Variants in ZNF45 observed in about 807,000 individuals in gnomAD.
ZNF45 encodes zinc finger protein 45, also known as BRC1744.
In ZNF45, 4 loss-of-function variants were observed where a neutral mutation model predicts 12.0. The observed-to-expected ratio is 0.33, with a 90% CI of 0.16 to 0.76. ZNF45 has a LOEUF of 0.76. Among genes scored for constraint, ZNF45 ranks in the 30% least tolerant of loss-of-function variants. ZNF45 has a pLI of 0.60. For synonymous variants in ZNF45, 272 were observed against 279.6 expected (o/e 0.97, Z 0.27); for missense variants, 700 against 813.0 (o/e 0.86, Z 1.69).
At position 43,914,297 on chromosome 19, in the gene ZNF45, A is replaced by T; in HGVS notation, c.1139T>A (p.Ile380Lys). The change falls in exon 10 of 10, where the codon ATA (isoleucine) becomes AAA (lysine). Residue 380 changes from isoleucine to lysine, a missense_variant. Coordinates refer to ENST00000269973, the MANE Select transcript of ZNF45 (RefSeq NM_003425.4). Reference sequence around the variant, plus strand: ...GTATGGCTTCTCTCCAGTGTGGCTTATCTGATGGGCCTGAAGGTGTGAACC... The same window carrying T: ...GTATGGCTTCTCTCCAGTGTGGCTTTTCTGATGGGCCTGAAGGTGTGAACC... ...SVGSHLQAHQ[I>K]SHTGEKPYKC... 1 of 1,610,476 alleles carries T rather than the reference A, an allele frequency of 6.2e-7. No individual in the cohort carries two copies. The highest frequency in any genetic ancestry group is 8.5e-7 in the Non-Finnish European group (1 of 1,178,480).
chr19:43,913,474 A>T lies in ZNF45; in HGVS notation c.1962T>A (p.Ser654Arg). The T allele has an allele frequency of 1.2e-6, 2 of 1,612,644 alleles. No individual in the cohort carries two copies. The change falls in exon 10 of 10, where the codon AGT becomes AGA. Residue 654 changes from serine to arginine, a missense_variant. Transcript: ENST00000269973. ...ECGKGFSWSS[S>R]LIIHQRVHAD... ...CATGGACTCGCTGATGAATGATAAG[A>T]CTTGAGCTCCAACTGAAGCCCTTCC...
Position 43,914,836 on chromosome 19 carries a change from G to C in ZNF45, c.600C>G (p.Ala200=), listed in dbSNP as rs541398617. The change falls in exon 10 of 10, where the codon GCC becomes GCG. Residue 200 remains alanine (A), a synonymous_variant. Transcript: ENST00000269973. The part of the protein sequence containing the change: ...KPYKCEKCDN[A]FRRFSSLQAH... ...CTTGAAGACTTGAAAACCGACGGAA[G>C]GCATTATCACATTTTTCACATTTGT... 3.1e-6 allele frequency: 5 copies of C among 1,612,214 alleles called. No homozygotes were observed. In the Admixed American group the frequency reaches 5.0e-5, roughly 16 times the overall value.
intron 9 of ZNF45, among the ~76,000 whole-genome samples, chr19:43,917,235 A>C (rs1972758103): frequency 6.6e-6 from 1 of 152,196 alleles, no homozygotes; most frequent in Non-Finnish European, 1.5e-5. Context: ...ACACACACAC[A>C]CCTACCCATA....
chr19:43,927,231 T>C (rs751119675), intron 3 of ZNF45, among the ~76,000 whole-genome samples: 1 of 152,216 alleles, frequency 6.6e-6, no homozygotes, highest in Non-Finnish European at 1.5e-5. Flanking sequence ...TACTTACTTA[T>C]ATTCATTACA....
At chr19:43,915,292 G>T (rs1972547577) in intron 9 of ZNF45, 92 bp from the exon 10 acceptor site, 1 of 1,302,222 alleles carries the variant, frequency 7.7e-7, no homozygotes, top group East Asian at 2.5e-5. Flanking sequence ...ATAGCCTAAG[G>T]CTTCATTGAA....
intron 3 of ZNF45, among the ~76,000 whole-genome samples, chr19:43,927,771 A>G (rs1973806961): frequency 1.3e-5 from 2 of 152,300 alleles, no homozygotes; most frequent in Admixed American, 6.5e-5. Context: ...TTAAAAAGCC[A>G]TAGGTCTGGT....
intron 6 of ZNF45, 138 bp from the exon 7 acceptor site, chr19:43,922,355 G>T: frequency 1.7e-6 from 1 of 585,646 alleles, no homozygotes; most frequent in Non-Finnish European, 3.0e-6. Flanking sequence ...TCCTCGGGCT[G>T]GCTTGATGAA....
Position 43,919,713 on chromosome 19 carries a change from C to A in ZNF45, c.16-14G>T. On this transcript the variant is annotated splice_polypyrimidine_tract_variant and intron_variant, in intron 7 of 9. Coordinates refer to ENST00000269973, the MANE Select transcript of ZNF45 (RefSeq NM_003425.4). Reference sequence around the variant, plus strand: ...TGTCACTGCCTCCTACAACATCAAACACACTCCACCTAAATCTTGCAATAA... The same window carrying A: ...TGTCACTGCCTCCTACAACATCAAAAACACTCCACCTAAATCTTGCAATAA... 2 of 1,609,226 alleles carry A rather than the reference C, an allele frequency of 1.2e-6. No homozygotes were observed. The highest frequency in any genetic ancestry group is 2.7e-5 in the African/African-American group (2 of 74,872).
At chr19:43,925,561 A>G (rs528141167) in intron 3 of ZNF45, 103 bp from the exon 4 acceptor site, 10 of 152,324 alleles carry the variant, frequency 6.6e-5, no homozygotes, top group African/African-American at 2.2e-4. Context: ...CTTACTTCAG[A>G]TAGAAGAACC....
chr19:43,928,820 T>C (rs761483156), intron 3 of ZNF45, among the ~76,000 whole-genome samples: 6 of 152,244 alleles, frequency 3.9e-5, no homozygotes, highest in Non-Finnish European at 8.8e-5. Context: ...ATCAACTCTA[T>C]GCTCCTAACA....
chr19:43,924,128 A>G (rs1973474054), intron 6 of ZNF45, 110 bp downstream of exon 6: 2 of 152,210 alleles, frequency 1.3e-5, no homozygotes, highest in Admixed American at 6.5e-5. Flanking sequence ...TTAACAAGCT[A>G]TAGGAAGCAC....
chr19:43,924,677 G>A (rs1258778648), intron 4 of ZNF45, 116 bp from the exon 5 acceptor site: 1 of 152,146 alleles, frequency 6.6e-6, no homozygotes, highest in African/African-American at 2.4e-5. Flanking sequence ...TGAAGCCAAG[G>A]GAGCTGCTTG....
In ZNF45 at chr19:43,922,165, A is replaced by G. The variant is rs1973238630; in HGVS notation, c.15+6T>C. ...ATTATTACGGAGAAAGGGAGGTCCA[A>G]CTCACCTTAGACTTCGTCATTTTGT... On this transcript the variant is annotated splice_donor_region_variant and intron_variant, in intron 7 of 9. Transcript: ENST00000269973. 6.2e-7 allele frequency: 1 copy of G among 1,610,292 alleles called. No individual in the cohort carries two copies. Among genetic ancestry groups the G allele is most frequent in the Non-Finnish European group, 8.5e-7 (1 of 1,177,386 alleles).
chr19:43,932,719 G>A (rs2147245709), intron 2 of ZNF45, 29 bp from the exon 3 acceptor site: 1 of 152,292 alleles, frequency 6.6e-6, no homozygotes, highest in African/African-American at 2.4e-5. Context: ...GAAACCAAGA[G>A]TTATATGCCA....
chr19:43,917,571 C>T (rs1972793856), intron 9 of ZNF45, among the ~76,000 whole-genome samples: 1 of 152,108 alleles, frequency 6.6e-6, no homozygotes, highest in African/African-American at 2.4e-5. Context: ...CTGCAACCTC[C>T]ACCTCCCAGG....
chr19:43,921,993 TA>T (rs1456717508), intron 7 of ZNF45, among the ~76,000 whole-genome samples, 177 bp downstream of exon 7: 3 of 152,246 alleles, frequency 2.0e-5, no homozygotes, highest in African/African-American at 7.2e-5. Context: ...TATAAAGTCA[TA>T]AAATAAAGCA....
intron 3 of ZNF45, among the ~76,000 whole-genome samples, chr19:43,928,630 T>C (rs1242029331): frequency 2.0e-5 from 3 of 152,234 alleles, no homozygotes; most frequent in Non-Finnish European, 4.4e-5. Flanking sequence ...GCTCTCTAGA[T>C]ATTTTCAGAC....
rs1568449028 is a variant in ZNF45, at chr19:43,914,831, CG to C, written c.604del (p.Arg202ValfsTer66). Reference sequence around the variant, plus strand: ...ATGGGCTTGAAGACTTGAAAACCGACGGAAGGCATTATCACATTTTTCACAT... The same window carrying C: ...ATGGGCTTGAAGACTTGAAAACCGACGAAGGCATTATCACATTTTTCACAT... Reference protein sequence around the residue: ...YKCEKCDNAFRRFSSLQAHQR... With the variant: ...YKCEKCDNAFXRFSSLQAHQR... On this transcript the variant is annotated frameshift_variant, in exon 10 of 10. Transcript: ENST00000269973. LOFTEE classifies it low-confidence loss of function (END_TRUNC). 4.3e-6 allele frequency: 7 copies of C among 1,612,262 alleles called. No individual in the cohort carries two copies. The highest frequency in any genetic ancestry group is 5.9e-6 in the Non-Finnish European group (7 of 1,178,486).
At position 43,915,011 on chromosome 19, in the gene ZNF45, T is replaced by C. The variant is rs1254176859; in HGVS notation, c.425A>G (p.Asp142Gly). ...LEKRDDLHYK[D>G]EGFSNQSSHL... is the part of the protein sequence containing the mutation. ...GGAACTCTGATTACTGAATCCCTCA[T>C]CTTTATAGTGCAAATCATCTCGTTT... Residue 142 changes from aspartate to glycine, a missense_variant, in exon 10 of 10, where the codon GAT becomes GGT. Coordinates refer to ENST00000269973, the MANE Select transcript of ZNF45 (RefSeq NM_003425.4). 6.2e-7 allele frequency: 1 copy of C among 1,610,310 alleles called. No individual in the cohort carries two copies. The highest frequency in any genetic ancestry group is 1.7e-5 in the Admixed American group (1 of 59,368).
Sources: gnomAD v4.1 joint callset for allele counts (sites outside exome capture counted in the v4.1 genomes callset) on GRCh38, gnomAD v4.1.1 for gene constraint, MANE v1.5 for transcripts, NCBI Gene and HGNC (gene_info 2026-07-23, HGNC 2026-07-21) for gene names.